The following BAZ1B variants were observed in gnomAD, a reference collection of about 807,000 sequenced individuals.
BAZ1B encodes the protein tyrosine-protein kinase BAZ1B.
BAZ1B carries 22 observed loss-of-function variants against 153.8 expected under a neutral mutation model. The observed-to-expected ratio is 0.14, with a 90% CI of 0.10 to 0.20. The LOEUF (loss-of-function observed/expected upper bound fraction) is 0.20. Among genes scored for constraint, BAZ1B ranks in the 10% least tolerant of loss-of-function variants. The pLI is 1.00. For missense variants in BAZ1B, 1,325 were observed against 1,799.3 expected (o/e 0.74, Z 4.77); for synonymous variants, 676 against 633.4 (o/e 1.07, Z -1.01).
chr7:73,447,400 G>T (rs200599600), intron 15 of BAZ1B, 21 bp from the exon 16 acceptor site: 16 of 1,600,682 alleles, frequency 1.0e-5, no homozygotes, highest in Non-Finnish European at 1.4e-5. Context: ...AAAAAATAAT[G>T]TAGGGAACAC....
intron 3 of BAZ1B, among the ~76,000 whole-genome samples, chr7:73,507,510 T>C (rs1790392462): frequency 6.6e-6 from 1 of 151,818 alleles, no homozygotes; most frequent in African/African-American, 2.4e-5. Context: ...ATCGCGAAAC[T>C]GCACTATTCC....
intron 3 of BAZ1B, among the ~76,000 whole-genome samples, chr7:73,501,031 C>T (rs1293740851): frequency 2.6e-5 from 4 of 151,880 alleles, no homozygotes; most frequent in Non-Finnish European, 5.9e-5. Flanking sequence ...CCCAGGCAGG[C>T]GGATCACCTG....
At position 73,500,022 on chromosome 7, in the gene BAZ1B, G is replaced by A. The variant is rs183677018; in HGVS notation, c.370-1324C>T. ...GAAATGAGATTTTTGTTATGTTGCC[G>A]AGTCTGGCCTTGAACTTCTGGGCTC... On this transcript the variant is annotated intron_variant, in intron 3 of 19. Coordinates refer to ENST00000339594, the MANE Select transcript of BAZ1B (RefSeq NM_032408.4). 2.1e-3 allele frequency among the ~76,000 whole-genome samples: 319 copies of A among 152,052 alleles called. 3 individuals are homozygous for A. The highest frequency in any genetic ancestry group is 7.1e-3 in the African/African-American group (293 of 41,490).
intron 2 of BAZ1B, among the ~76,000 whole-genome samples, chr7:73,509,227 C>T (rs1340405887): frequency 3.3e-5 from 5 of 151,882 alleles, no homozygotes; most frequent in African/African-American, 4.8e-5. Context: ...GAGGCTGAGG[C>T]AGGAGAATCA....
intron 16 of BAZ1B, among the ~76,000 whole-genome samples, chr7:73,446,453 T>C (rs1269680016): frequency 1.4e-5 from 2 of 142,784 alleles, no homozygotes; most frequent in Non-Finnish European, 3.0e-5. Context: ...GGTGTGGTGG[T>C]GGGTGTCTGT....
At chr7:73,451,779 A>C (rs1483747684) in intron 13 of BAZ1B, among the ~76,000 whole-genome samples, 1 of 152,242 alleles carries the variant, frequency 6.6e-6, no homozygotes, top group Non-Finnish European at 1.5e-5. Flanking sequence ...GCTCCTCAGT[A>C]AACTGAGGTC....
chr7:73,495,485 A>C (rs1430023604), intron 4 of BAZ1B, among the ~76,000 whole-genome samples: 1 of 152,216 alleles, frequency 6.6e-6, no homozygotes, highest in African/African-American at 2.4e-5. Context: ...GAAAAAGTCA[A>C]AGGAATGGCA....
At chr7:73,473,290 T>C (rs1283029549) in intron 7 of BAZ1B, among the ~76,000 whole-genome samples, 2 of 152,226 alleles carry the variant, frequency 1.3e-5, no homozygotes, top group Non-Finnish European at 2.9e-5. Context: ...CGGTGGCTCA[T>C]GCCTTTAATC....
intron 16 of BAZ1B, among the ~76,000 whole-genome samples, chr7:73,444,517 C>T (rs1285155878): frequency 2.0e-5 from 3 of 152,162 alleles, no homozygotes; most frequent in Non-Finnish European, 2.9e-5. Flanking sequence ...TCAGCCTGAG[C>T]GAGTGGATGT....
chr7:73,471,748 TAA>T lies in BAZ1B; in HGVS notation c.2594-1267_2594-1266del, dbSNP rs561959212. Among the ~76,000 whole-genome samples, 6 of 152,228 alleles carry T rather than the reference TAA, an allele frequency of 3.9e-5. No homozygotes were observed. The East Asian group carries it at 1.2e-3, about 29-fold the overall frequency. On this transcript the variant is annotated intron_variant, in intron 7 of 19. Transcript: ENST00000339594. The stretch of plus-strand genomic sequence containing the variant: ...GTCTAAAGATGTTACTTTAAAAACT[TAA>T]GATAAATTCCATTTATTTAAAACAT...
At position 73,498,569 on chromosome 7, in the gene BAZ1B, T is replaced by C; in HGVS notation, c.499A>G (p.Ser167Gly). 4 of 1,614,150 alleles carry C rather than the reference T, an allele frequency of 2.5e-6. No individual in the cohort carries two copies. The highest frequency in any genetic ancestry group is 3.4e-6 in the Non-Finnish European group (4 of 1,180,008). The change falls in exon 4 of 20, where the codon AGT becomes GGT. Residue 167 changes from serine to glycine, a missense_variant. Physicochemically the swap from Ser to Gly is moderately conservative, Grantham distance 56 (BLOSUM62 0). This residue lies in a region of BAZ1B where 153 missense variants were observed against 204.8 expected (regional missense o/e 0.75). Transcript: ENST00000339594. Reference protein sequence around the residue: ...DSPSSDKENSSQIAQDHQKKE... With the variant: ...DSPSSDKENSGQIAQDHQKKE... ...TTCTGATGGTCCTGAGCAATCTGACTGGAGTTCTCTTTGTCACTTGATGGA... is the reference window on the plus strand; with the variant it reads ...TTCTGATGGTCCTGAGCAATCTGACCGGAGTTCTCTTTGTCACTTGATGGA...
At chr7:73,497,065 CAAA>C (rs1156829240) in intron 4 of BAZ1B, among the ~76,000 whole-genome samples, 5 of 49,510 alleles carry the variant, frequency 1.0e-4, no homozygotes, top group East Asian at 6.3e-4. Flanking sequence ...CTGACCTCTA[CAAA>C]AAAAAAAAAA....
At chr7:73,489,076 T>A (rs1464349971) in intron 6 of BAZ1B, 118 bp downstream of exon 6, 23 of 1,096,042 alleles carry the variant, frequency 2.1e-5, no homozygotes, top group Middle Eastern at 3.0e-4. Context: ...ACCTGAAAAA[T>A]TTTTAATTCA....
intron 6 of BAZ1B, among the ~76,000 whole-genome samples, chr7:73,486,105 CTA>C (rs1554574450): frequency 3.9e-5 from 6 of 152,100 alleles, no homozygotes; most frequent in Non-Finnish European, 8.8e-5. Flanking sequence ...AGCCAGTTAC[CTA>C]TTATATGCAA....
intron 15 of BAZ1B, among the ~76,000 whole-genome samples, chr7:73,448,186 C>T (rs186643528): frequency 3.5e-4 from 54 of 152,254 alleles, no homozygotes; most frequent in African/African-American, 1.3e-3. Context: ...TGCTTGTAGT[C>T]CTAGCTACTC....
chr7:73,485,970 G>A (rs1355194649), intron 6 of BAZ1B, among the ~76,000 whole-genome samples: 1 of 152,180 alleles, frequency 6.6e-6, no homozygotes, highest in East Asian at 1.9e-4. Flanking sequence ...TTAGATGACA[G>A]TTATCACCCA....
intron 13 of BAZ1B, among the ~76,000 whole-genome samples, chr7:73,455,818 T>A (rs1788176764): frequency 6.6e-6 from 1 of 152,080 alleles, no homozygotes; most frequent in African/African-American, 2.4e-5. Context: ...AAATATGACA[T>A]CAGGTAGATC....
intron 13 of BAZ1B, among the ~76,000 whole-genome samples, chr7:73,458,152 C>A (rs1158116956): frequency 2.0e-5 from 3 of 152,150 alleles, no homozygotes; most frequent in African/African-American, 7.2e-5. Context: ...TCTCGTGGGA[C>A]AGAGCACTTT....
chr7:73,506,228 C>T (rs1273725856), intron 3 of BAZ1B, among the ~76,000 whole-genome samples: 1 of 151,282 alleles, frequency 6.6e-6, no homozygotes, highest in Non-Finnish European at 1.5e-5. Flanking sequence ...GCCGGGCGCA[C>T]TGGCTCATGC....
Sources: allele counts gnomAD v4.1 joint callset (sites outside exome capture counted in the v4.1 genomes callset), GRCh38; gene constraint gnomAD v4.1.1; regional missense constraint gnomAD v4.1.1; transcripts MANE v1.5; gene names NCBI Gene and HGNC (gene_info 2026-07-23, HGNC 2026-07-21).